Variants in TENM2 observed in about 807,000 individuals in gnomAD.
TENM2 encodes teneurin transmembrane protein 2.
A neutral mutation model predicts 245.2 loss-of-function variants in TENM2; 52 were observed. The ratio of observed to expected loss-of-function variants is 0.21; its 90% CI spans 0.17 to 0.27. TENM2 has a LOEUF of 0.27. Among genes scored for constraint, TENM2 ranks in the 10% least tolerant of loss-of-function variants. TENM2 has a pLI of 1.00. For synonymous variants in TENM2, 1,363 were observed against 1,438.9 expected (o/e 0.95, Z 1.19); for missense variants, 3,046 against 3,666.8 (o/e 0.83, Z 4.37).
At chr5:168,227,946 T>C in exon 25 of TENM2, 5 of 1,613,588 alleles carry the variant, frequency 3.1e-6, no homozygotes, top group Non-Finnish European at 3.4e-6. Flanking sequence ...CTGAGGGTGA[T>C]GTATGCTAAT....
the TENM2 span, among the ~76,000 whole-genome samples, chr5:167,233,805 A>AT: frequency 6.6e-6 from 1 of 152,118 alleles, no homozygotes; most frequent in Non-Finnish European, 1.5e-5. Context: ...ATTATGTCTA[A>AT]TTTTTTTAAT....
chr5:167,180,103 C>CTTTTTTTTTTTTTTTTTT, the TENM2 span, among the ~76,000 whole-genome samples: 73 of 114,948 alleles, frequency 6.4e-4, 2 homozygotes, highest in African/African-American at 2.8e-3. Flanking sequence ...TAAGTGCTTC[C>CTTTTTTTTTTTTTTTTTT]TTTTTTTTTT....
chr5:167,914,121 A>G (rs1422738924), intron 3 of TENM2, among the ~76,000 whole-genome samples: 1 of 151,972 alleles, frequency 6.6e-6, no homozygotes, highest in East Asian at 1.9e-4. Context: ...AGCCTGGGGG[A>G]CCTCTACCTC....
chr5:167,496,525 T>A (rs565662502), intron 2 of TENM2, among the ~76,000 whole-genome samples: 1 of 152,134 alleles, frequency 6.6e-6, no homozygotes, highest in Non-Finnish European at 1.5e-5. Flanking sequence ...TATTAAAAAT[T>A]AATGGCTGTT....
chr5:167,505,889 A>G (rs1338914832), intron 2 of TENM2, among the ~76,000 whole-genome samples: 5 of 152,168 alleles, frequency 3.3e-5, no homozygotes, highest in Admixed American at 6.5e-5. Context: ...CGGAATTGCT[A>G]TTTAAGCTTG....
At chr5:167,346,983 A>G (rs1758498772) in intron 1 of TENM2, among the ~76,000 whole-genome samples, 1 of 152,002 alleles carries the variant, frequency 6.6e-6, no homozygotes. Flanking sequence ...CATGTTGCCC[A>G]GGCTGGTCTT....
At chr5:167,040,008 T>C in the TENM2 span, among the ~76,000 whole-genome samples, 10 of 152,212 alleles carry the variant, frequency 6.6e-5, no homozygotes, top group Non-Finnish European at 1.5e-4. Context: ...TGTATCTGTC[T>C]GCATAGAGAC....
At chr5:167,792,243 A>G (rs555694540) in intron 2 of TENM2, among the ~76,000 whole-genome samples, 5 of 151,718 alleles carry the variant, frequency 3.3e-5, no homozygotes, top group Non-Finnish European at 7.4e-5. Context: ...CCAGCTCACA[A>G]TTTTCCTTTG....
chr5:167,309,079 TAAAA>T (rs1755860381), intron 1 of TENM2, among the ~76,000 whole-genome samples: 1 of 151,940 alleles, frequency 6.6e-6, no homozygotes, highest in African/African-American at 2.4e-5. Context: ...GTTTAAATGA[TAAAA>T]AATCCAAAAC....
chr5:167,269,442 G>A, the TENM2 span, among the ~76,000 whole-genome samples: 2 of 151,914 alleles, frequency 1.3e-5, no homozygotes, highest in African/African-American at 4.8e-5. Flanking sequence ...TCTGGATTTT[G>A]CACCTTAGTT....
chr5:167,003,165 T>C, the TENM2 span, among the ~76,000 whole-genome samples: 1 of 152,206 alleles, frequency 6.6e-6, no homozygotes, highest in Non-Finnish European at 1.5e-5. Flanking sequence ...CTTTAAACCA[T>C]GCAAGTGATA....
intron 2 of TENM2, among the ~76,000 whole-genome samples, chr5:167,724,517 T>C (rs1759854828): frequency 6.6e-6 from 1 of 151,536 alleles, no homozygotes; most frequent in Non-Finnish European, 1.5e-5. Flanking sequence ...TTCATTCTAT[T>C]GGGTGGAGGG....
At chr5:167,004,820 T>G in the TENM2 span, among the ~76,000 whole-genome samples, 1 of 152,180 alleles carries the variant, frequency 6.6e-6, no homozygotes, top group African/African-American at 2.4e-5. Flanking sequence ...TTTCTTCAAC[T>G]GTGCAGCGTG....
chr5:168,045,459 A>G (rs1382749903), intron 5 of TENM2, among the ~76,000 whole-genome samples: 1 of 152,172 alleles, frequency 6.6e-6, no homozygotes, highest in Non-Finnish European at 1.5e-5. Context: ...TGCACCTTAC[A>G]GTGGCAAGAT....
rs187269140 is a variant in TENM2, at chr5:167,610,792, A to G, written c.502+235319A>G. On this transcript the variant is annotated intron_variant, in intron 2 of 28. Transcript: ENST00000518659. ...CCATGGGATATTTTAGTTAACATCA[A>G]TTTTCTTTTCAGGGGAAAATATATG... Among the ~76,000 whole-genome samples the G allele has an allele frequency of 3.9e-5, 6 of 152,208 alleles. No homozygotes were observed. In the East Asian group the frequency reaches 7.7e-4, roughly 20 times the overall value.
At chr5:168,177,954 T>C (rs1274402667) in intron 13 of TENM2, among the ~76,000 whole-genome samples, 1 of 152,222 alleles carries the variant, frequency 6.6e-6, no homozygotes, top group African/African-American at 2.4e-5. Flanking sequence ...AAATTAGTAC[T>C]TCCAACTCCT....
At chr5:167,055,837 G>A in the TENM2 span, among the ~76,000 whole-genome samples, 1 of 151,978 alleles carries the variant, frequency 6.6e-6, no homozygotes, top group Non-Finnish European at 1.5e-5. Context: ...ATTCCACATA[G>A]ATGATCATGC....
chr5:168,022,454 G>A (rs1786236177), intron 5 of TENM2, among the ~76,000 whole-genome samples: 1 of 152,242 alleles, frequency 6.6e-6, no homozygotes, highest in Admixed American at 6.5e-5. Context: ...AATCAGAGCA[G>A]GTTATGTTTT....
intron 1 of TENM2, among the ~76,000 whole-genome samples, chr5:167,324,588 C>A (rs374551887): frequency 6.6e-6 from 1 of 151,470 alleles, no homozygotes; most frequent in African/African-American, 2.4e-5. Context: ...GGAAAAAAAA[C>A]TAAATCGAAC....
Sources: allele counts gnomAD v4.1 joint callset (sites outside exome capture counted in the v4.1 genomes callset), GRCh38; gene constraint gnomAD v4.1.1; transcripts MANE v1.5; gene names NCBI Gene and HGNC (gene_info 2026-07-23, HGNC 2026-07-21).